The following RIN3 variants were observed in gnomAD, a reference collection of about 807,000 sequenced individuals.
RIN3 encodes the protein Ras and Rab interactor 3.
In RIN3, 54 loss-of-function variants were observed where a neutral mutation model predicts 76.3. That is an observed-to-expected ratio of 0.71 (90% CI 0.57 to 0.89). The LOEUF (loss-of-function observed/expected upper bound fraction) is 0.89. RIN3 is among the 40% of genes least tolerant of loss of function. The pLI is 0.00. For synonymous variants in RIN3, 576 were observed against 564.0 expected, an observed-to-expected ratio of 1.02 and a Z score of -0.30; for missense variants, 1,256 against 1,322.1, an observed-to-expected ratio of 0.95 and a Z score of 0.78.
chr14:92,600,956 C>T (rs192304473), intron 3 of RIN3, among the ~76,000 whole-genome samples: 3 of 152,194 alleles, frequency 2.0e-5, no homozygotes, highest in East Asian at 1.9e-4. Flanking sequence ...TTGAGAACCA[C>T]GGCTCTAGGG....
chr14:92,544,496 C>T (rs886686430), intron 1 of RIN3, among the ~76,000 whole-genome samples: 5 of 151,430 alleles, frequency 3.3e-5, no homozygotes, highest in African/African-American at 4.9e-5. Flanking sequence ...AATCTATTCC[C>T]GGGGCTAGAC....
intron 7 of RIN3, among the ~76,000 whole-genome samples, chr14:92,673,268 G>T (rs1177230589): frequency 6.6e-6 from 1 of 152,106 alleles, no homozygotes; most frequent in Non-Finnish European, 1.5e-5. Flanking sequence ...CATTTTGCCT[G>T]TGTATCCACA....
intron 3 of RIN3, among the ~76,000 whole-genome samples, chr14:92,594,109 C>T (rs773646202): frequency 3.9e-5 from 6 of 151,932 alleles, no homozygotes; most frequent in African/African-American, 1.5e-4. Context: ...CATCCTGGGC[C>T]GTAATACACA....
At chr14:92,670,338 G>A (rs1245195095) in intron 7 of RIN3, among the ~76,000 whole-genome samples, 1 of 152,210 alleles carries the variant, frequency 6.6e-6, no homozygotes, top group African/African-American at 2.4e-5. Context: ...GGAGGCTGCC[G>A]CCAGCAGGGC....
At chr14:92,599,620 A>G (rs528668703) in intron 3 of RIN3, among the ~76,000 whole-genome samples, 2 of 152,232 alleles carry the variant, frequency 1.3e-5, no homozygotes, top group African/African-American at 4.8e-5. Flanking sequence ...CAAATACTTG[A>G]CAAGAAAGAT....
At chr14:92,519,704 G>A (rs1336141532) in intron 1 of RIN3, among the ~76,000 whole-genome samples, 3 of 152,226 alleles carry the variant, frequency 2.0e-5, no homozygotes, top group Non-Finnish European at 4.4e-5. Context: ...GATAGCCAAC[G>A]CGTCCCTGTG....
intron 7 of RIN3, among the ~76,000 whole-genome samples, chr14:92,664,616 C>T (rs185212758): frequency 2.0e-5 from 3 of 151,992 alleles, no homozygotes; most frequent in South Asian, 4.2e-4. Context: ...GTGTTCTGCC[C>T]GCCTCGGCCT....
At chr14:92,669,658 G>T (rs924338292) in intron 7 of RIN3, among the ~76,000 whole-genome samples, 3 of 152,160 alleles carry the variant, frequency 2.0e-5, no homozygotes, top group African/African-American at 7.2e-5. Flanking sequence ...GTGGGGGGTA[G>T]TTTTGATAAG....
rs1021185345 is a variant in RIN3 at position 92,685,270 on chromosome 14, G to A, written c.2631+120G>A. 1.2e-5 allele frequency: 13 copies of A among 1,119,726 alleles called. No homozygotes were observed. The highest frequency in any genetic ancestry group is 3.1e-5 in the African/African-American group (2 of 63,960). The allele number at this position is 1,119,726 out of a possible 1,614,324, so 69.4% of individuals were successfully genotyped here. A position where few individuals can be genotyped will look rare whatever the true frequency, so the allele number is the denominator to read the frequency against. ...CTCCAGCCGCCCAGCCCTGCCTTAG[G>A]GGAGCAGTGAGACTCCCCACACCAG... On this transcript the variant is annotated intron_variant, in intron 9 of 9. Coordinates refer to ENST00000216487, the MANE Select transcript of RIN3 (RefSeq NM_024832.5). The surrounding 1 kb of genome is among the most constrained non-coding windows in gnomAD (Gnocchi z 4.7).
chr14:92,674,880 ACT>A (rs1888406831), intron 7 of RIN3, among the ~76,000 whole-genome samples: 1 of 137,508 alleles, frequency 7.3e-6, no homozygotes, highest in South Asian at 2.3e-4. Flanking sequence ...CAAGAGCAAA[ACT>A]CTGTCTCAAA....
chr14:92,655,156 C>T (rs1255513127), intron 6 of RIN3, among the ~76,000 whole-genome samples: 2 of 151,652 alleles, frequency 1.3e-5, no homozygotes, highest in East Asian at 1.9e-4. Flanking sequence ...CAGAGTGAGA[C>T]TTTGTCTCAA....
intron 1 of RIN3, among the ~76,000 whole-genome samples, chr14:92,528,110 G>T (rs963012238): frequency 1.3e-5 from 2 of 152,118 alleles, no homozygotes; most frequent in African/African-American, 4.8e-5. Context: ...CTAAGGCCTC[G>T]GCATCAAGGA....
intron 4 of RIN3, among the ~76,000 whole-genome samples, chr14:92,617,502 T>C (rs1289494293): frequency 6.6e-6 from 1 of 152,180 alleles, no homozygotes; most frequent in Admixed American, 6.5e-5. Context: ...TTTCAGCTCC[T>C]GTTATTCCAG....
chr14:92,514,752 G>A lies in RIN3; in HGVS notation c.44+776G>A, dbSNP rs1896393358. Among the ~76,000 whole-genome samples the A allele has an allele frequency of 1.3e-5, 2 of 152,224 alleles. No individual in the cohort carries two copies. The highest frequency in any genetic ancestry group is 2.4e-5 in the African/African-American group (1 of 41,470). ...CTCGCGAGCTCGGGCATTGCTCGGG[G>A]CTGGGCTCTGGGAGAAAGTCCTCTC... On this transcript the variant is annotated intron_variant, in intron 1 of 9. Transcript: ENST00000216487. The surrounding 1 kb of genome is among the most constrained non-coding windows in gnomAD (Gnocchi z 7.2).
At chr14:92,584,514 T>G (rs1884694968) in intron 3 of RIN3, among the ~76,000 whole-genome samples, 1 of 152,168 alleles carries the variant, frequency 6.6e-6, no homozygotes, top group Non-Finnish European at 1.5e-5. Context: ...AACAACCATC[T>G]CCTGCATCCC....
intron 7 of RIN3, among the ~76,000 whole-genome samples, chr14:92,669,307 G>T (rs902948096): frequency 1.3e-5 from 2 of 152,172 alleles, no homozygotes; most frequent in Non-Finnish European, 2.9e-5. Flanking sequence ...AACTGGGGTC[G>T]ATAAAGCAGG....
intron 1 of RIN3, among the ~76,000 whole-genome samples, chr14:92,538,893 G>A (rs563645654): frequency 2.6e-5 from 4 of 152,080 alleles, no homozygotes; most frequent in Admixed American, 2.0e-4. Flanking sequence ...ACTATGTCTC[G>A]GTTTCTTCTT....
At chr14:92,572,904 T>C (rs1898105248) in intron 2 of RIN3, among the ~76,000 whole-genome samples, 1 of 119,446 alleles carries the variant, frequency 8.4e-6, no homozygotes, top group Non-Finnish European at 1.7e-5. Context: ...TTTTTTGAGA[T>C]GCAGTCTTGC....
intron 1 of RIN3, among the ~76,000 whole-genome samples, chr14:92,553,383 C>T (rs569105567): frequency 6.6e-6 from 1 of 152,162 alleles, no homozygotes; most frequent in East Asian, 1.9e-4. Context: ...GAAATTCAGA[C>T]CTCCATCATT....
Sources: gnomAD v4.1 joint callset for allele counts (sites outside exome capture counted in the v4.1 genomes callset) on GRCh38, gnomAD v4.1.1 for gene constraint, Gnocchi (gnomAD v3.1) non-coding constraint, MANE v1.5 for transcripts, NCBI Gene and HGNC (gene_info 2026-07-23, HGNC 2026-07-21) for gene names.